DMXL2: variants seen among roughly 807,000 people sequenced by gnomAD.
The protein encoded by DMXL2 is Dmx like 2, also known as dmX-like protein 2.
In DMXL2, 103 loss-of-function variants were observed where a neutral mutation model predicts 331.1. The ratio of observed to expected loss-of-function variants is 0.31; its 90% CI spans 0.27 to 0.37. DMXL2 has a LOEUF of 0.37. DMXL2 is among the 10% of genes least tolerant of loss of function. The pLI is 1.00. For missense variants in DMXL2, 3,171 were observed against 3,642.9 expected, an observed-to-expected ratio of 0.87 and a Z score of 3.33; for synonymous variants, 1,281 against 1,252.1, an observed-to-expected ratio of 1.02 and a Z score of -0.49.
intron 1 of DMXL2, among the ~76,000 whole-genome samples, chr15:51,597,031 C>T (rs531232089): frequency 2.2e-4 from 33 of 152,202 alleles, no homozygotes; most frequent in South Asian, 4.2e-4. Flanking sequence ...TGTAACTAAC[C>T]TGCACGTTGT....
At chr15:51,563,781 G>GTTAATAGT in intron 5 of DMXL2, among the ~76,000 whole-genome samples, 1 of 152,162 alleles carries the variant, frequency 6.6e-6, no homozygotes, top group Middle Eastern at 3.4e-3. Flanking sequence ...CTATATGACT[G>GTTAATAGT]TTAATAGTAC....
At chr15:51,485,480 T>C (rs1458139662) in intron 23 of DMXL2, among the ~76,000 whole-genome samples, 3 of 152,354 alleles carry the variant, frequency 2.0e-5, no homozygotes, top group East Asian at 3.9e-4. Flanking sequence ...AACATACATA[T>C]GCCAAATGCA....
intron 1 of DMXL2, among the ~76,000 whole-genome samples, chr15:51,607,943 T>C (rs1002773325): frequency 2.0e-5 from 3 of 152,168 alleles, no homozygotes; most frequent in Admixed American, 6.5e-5. Flanking sequence ...CCCAGCACTT[T>C]TGGAGGCTGA....
chr15:51,603,451 C>T (rs562751714), intron 1 of DMXL2, among the ~76,000 whole-genome samples: 7 of 152,138 alleles, frequency 4.6e-5, no homozygotes, highest in East Asian at 3.9e-4. Context: ...ATAAATTAAA[C>T]GTATAGTTAA....
rs569549213 is a variant in DMXL2 at position 51,518,758 on chromosome 15, G to A, written c.2437-1591C>T. Among the ~76,000 whole-genome samples, 40 of 152,160 alleles carry A rather than the reference G, an allele frequency of 2.6e-4. No homozygotes were observed. The South Asian group carries it at 7.7e-3, about 29-fold the overall frequency. ...AGAATAGTTATGTATTCCAGCTAAGGATTTGCTTTCCCTGCCCACAACTCT... is the reference window on the plus strand; with the variant it reads ...AGAATAGTTATGTATTCCAGCTAAGAATTTGCTTTCCCTGCCCACAACTCT... On this transcript the variant is annotated intron_variant, in intron 13 of 43. Transcript: ENST00000560891.
chr15:51,618,080 A>G (rs552198039), intron 1 of DMXL2, among the ~76,000 whole-genome samples: 4 of 152,322 alleles, frequency 2.6e-5, no homozygotes, highest in South Asian at 4.1e-4. Context: ...CTTTCCTCTC[A>G]GCACAGGTTA....
Position 51,448,809 on chromosome 15 carries a change from G to C in DMXL2, c.*175C>G. On this transcript the variant is annotated 3_prime_UTR_variant, in exon 44 of 44. Transcript: ENST00000560891. Reference sequence around the variant, plus strand: ...TTTTTTTAGTATGTCAGCATAATAAGGTACATGCGCATTCATTCCACCAAC... The same window carrying C: ...TTTTTTTAGTATGTCAGCATAATAACGTACATGCGCATTCATTCCACCAAC... 1 of 638,844 alleles carries C rather than the reference G, an allele frequency of 1.6e-6. No individual in the cohort carries two copies. The highest frequency in any genetic ancestry group is 2.7e-6 in the Non-Finnish European group (1 of 372,280). The allele number at this position is 638,844 out of a possible 1,614,324, so 39.6% of individuals were successfully genotyped here. A position where few individuals can be genotyped will look rare whatever the true frequency, so the allele number is the denominator to read the frequency against.
chr15:51,497,198 T>C (rs545467686), intron 18 of DMXL2, among the ~76,000 whole-genome samples: 3 of 152,306 alleles, frequency 2.0e-5, no homozygotes, highest in South Asian at 2.1e-4. Context: ...AAATAAGTCA[T>C]AGGCAAAACC....
In DMXL2 at chr15:51,498,695, T is replaced by C. The variant is rs768050675; in HGVS notation, c.4529A>G (p.His1510Arg). Residue 1510 changes from histidine (H) to arginine (R), a missense_variant, in exon 18 of 44, where the codon CAT (histidine) becomes CGT (arginine). Physicochemically the swap from His to Arg is conservative, Grantham distance 29. Transcript: ENST00000560891. Reference protein sequence around the residue: ...QYGPAYFGQEHARVLSSHLMH... With the variant: ...QYGPAYFGQERARVLSSHLMH... The stretch of plus-strand genomic sequence containing the variant: ...AAGATGACTTGAAAGTACCCTTGCA[T>C]GTTCTTGGCCAAAGTAAGCTGGTCC... The C allele has an allele frequency of 3.1e-6, 5 of 1,614,166 alleles. No homozygotes were observed. In the East Asian group the frequency reaches 6.7e-5, roughly 22 times the overall value.
intron 13 of DMXL2, among the ~76,000 whole-genome samples, chr15:51,534,461 C>T (rs2048175181): frequency 6.6e-6 from 1 of 152,232 alleles, no homozygotes; most frequent in South Asian, 2.1e-4. Context: ...AAACAAATAG[C>T]GTTTCAATAT....
intron 8 of DMXL2, among the ~76,000 whole-genome samples, chr15:51,542,984 A>G (rs1379337688): frequency 6.6e-6 from 1 of 152,152 alleles, no homozygotes; most frequent in Non-Finnish European, 1.5e-5. Context: ...AATACAGAAT[A>G]ACAAGGGGAA....
At chr15:51,594,579 C>A (rs1379515311) in intron 1 of DMXL2, among the ~76,000 whole-genome samples, 1 of 152,130 alleles carries the variant, frequency 6.6e-6, no homozygotes, top group African/African-American at 2.4e-5. Context: ...CCAGCATCAT[C>A]CTGATACCAA....
Position 51,568,529 on chromosome 15 carries a change from A to G in DMXL2, c.243T>C (p.Cys81=). ...AATTTATGCCCAAGGGCTCAAATAT[A>G]CAAACAGCATTACCATATGAAGCTG... ...RIAASYGNAV[C]IFEPLGINSH... The change falls in exon 3 of 44, where the codon TGT becomes TGC. Residue 81 remains cysteine (C), a synonymous_variant. Coordinates refer to ENST00000560891, the MANE Select transcript of DMXL2 (RefSeq NM_001378457.1). The G allele has an allele frequency of 6.3e-7, 1 of 1,582,854 alleles. No homozygotes were observed.
chr15:51,534,565 G>A (rs952521579), intron 13 of DMXL2, among the ~76,000 whole-genome samples: 2 of 152,224 alleles, frequency 1.3e-5, no homozygotes, highest in African/African-American at 4.8e-5. Context: ...GAATGAAGCA[G>A]AGGGGAATAA....
At chr15:51,587,616 C>T (rs2051952050) in intron 1 of DMXL2, among the ~76,000 whole-genome samples, 1 of 152,126 alleles carries the variant, frequency 6.6e-6, no homozygotes, top group African/African-American at 2.4e-5. Context: ...GTGAATAGTG[C>T]CGCAGTAAAC....
chr15:51,499,277 G>C lies in DMXL2; in HGVS notation c.3947C>G (p.Ala1316Gly). The change falls in exon 18 of 44, where the codon GCT becomes GGT. Residue 1316 changes from alanine (A) to glycine (G), a missense_variant. Ala to Gly is a moderately conservative substitution (Grantham distance 60). Around this residue, in one of 7 missense-constraint regions of DMXL2, gnomAD observed 1,674 missense variants for 1,780.2 expected, o/e 0.94. Transcript: ENST00000560891. ...LARKSVVEGTAISDDVFCSPT... is the reference protein window; with the variant it reads ...LARKSVVEGTGISDDVFCSPT... ...TGAACAAAAAACATCATCAGAAATA[G>C]CTGTTCCTTCAACAACACTTTTTCT... 6.2e-7 allele frequency: 1 copy of C among 1,613,842 alleles called. No homozygotes were observed. The highest frequency in any genetic ancestry group is 1.1e-5 in the South Asian group (1 of 91,078).
chr15:51,567,040 T>G (rs2050332107), intron 3 of DMXL2: 2 of 135,572 alleles, frequency 1.5e-5, no homozygotes, highest in African/African-American at 2.7e-5. Context: ...ATGTTCCAGA[T>G]ACTTTTTTTT....
intron 1 of DMXL2, among the ~76,000 whole-genome samples, chr15:51,593,704 T>G (rs374698188): frequency 0.012 from 1,764 of 152,268 alleles, 27 homozygotes; most frequent in East Asian, 0.026. Flanking sequence ...ACAGAAATTA[T>G]AACAAACTGT....
At position 51,535,562 on chromosome 15, in the gene DMXL2, T is replaced by G. The variant is rs186030559; in HGVS notation, c.2436+101A>C. 4,317 of 1,088,464 alleles carry G rather than the reference T, an allele frequency of 4.0e-3. 16 individuals are homozygous for G. The highest frequency in any genetic ancestry group is 4.8e-3 in the Non-Finnish European group (3,675 of 769,688). 67.4% of individuals were successfully genotyped at this position (1,088,464 alleles called of 1,614,324 possible). A position where few individuals can be genotyped will look rare whatever the true frequency, so the allele number is the denominator to read the frequency against. On this transcript the variant is annotated intron_variant, in intron 13 of 43. Transcript: ENST00000560891. ...GTCATATGCAGCCCAGAACATATAC[T>G]TACTCCCTAAACAGCAACTAACAAA...
Sources: allele counts gnomAD v4.1 joint callset (sites outside exome capture counted in the v4.1 genomes callset), GRCh38; gene constraint gnomAD v4.1.1; regional missense constraint gnomAD v4.1.1; transcripts MANE v1.5; gene names NCBI Gene and HGNC (gene_info 2026-07-23, HGNC 2026-07-21).